DOCK9: variants seen among roughly 807,000 people sequenced by gnomAD.
DOCK9 encodes dedicator of cytokinesis 9, also known as dedicator of cytokinesis protein 9.
In DOCK9, 89 loss-of-function variants were observed where a neutral mutation model predicts 263.3. The observed-to-expected ratio is 0.34, with a 90% confidence interval of 0.28 to 0.40. The LOEUF (loss-of-function observed/expected upper bound fraction) is 0.40, where lower values mean the gene tolerates loss of function less well. Among genes scored for constraint, DOCK9 ranks in the 10% least tolerant of loss-of-function variants. The probability of loss-of-function intolerance (pLI) is 1.00; values close to 1 mark genes in which losing one functional copy is unlikely to be tolerated. For missense variants in DOCK9, 2,140 were observed against 2,603.4 expected (o/e 0.82, Z 3.87); for synonymous variants, 976 against 973.1 (o/e 1.00, Z -0.06).
intron 35 of DOCK9, among the ~76,000 whole-genome samples, chr13:98,851,432 C>G (rs1456868005): frequency 2.0e-5 from 3 of 152,104 alleles, no homozygotes; most frequent in Non-Finnish European, 4.4e-5. Flanking sequence ...GAGCTCAGTG[C>G]ATGCTGGAGA....
At chr13:98,911,998 T>C (rs2050129876) in intron 9 of DOCK9, among the ~76,000 whole-genome samples, 1 of 151,104 alleles carries the variant, frequency 6.6e-6, no homozygotes, top group Non-Finnish European at 1.5e-5. Flanking sequence ...GCCTCCCAAG[T>C]AGCTGGGATT....
intron 5 of DOCK9, among the ~76,000 whole-genome samples, chr13:98,922,692 C>G (rs1208012221): frequency 6.6e-6 from 1 of 152,176 alleles, no homozygotes; most frequent in Admixed American, 6.5e-5. Context: ...AATGTTATAG[C>G]TCAGCTGACA....
intron 1 of DOCK9, among the ~76,000 whole-genome samples, chr13:99,012,224 T>C (rs559832117): frequency 1.3e-5 from 2 of 152,216 alleles, no homozygotes; most frequent in African/African-American, 4.8e-5. Context: ...TTCTTAAGTA[T>C]GTTTCTTATG....
intron 43 of DOCK9, among the ~76,000 whole-genome samples, chr13:98,828,838 C>A (rs1327186958): frequency 6.6e-6 from 1 of 152,216 alleles, no homozygotes; most frequent in Non-Finnish European, 1.5e-5. Context: ...ACACACCCAA[C>A]TCCCAGCCAT....
chr13:98,998,534 C>T (rs968497320), intron 1 of DOCK9, among the ~76,000 whole-genome samples: 13 of 152,124 alleles, frequency 8.5e-5, no homozygotes, highest in African/African-American at 2.7e-4. Flanking sequence ...TAAGAATTTC[C>T]GAACCAAGAG....
chr13:98,918,231 A>C (rs2051229057), intron 7 of DOCK9, among the ~76,000 whole-genome samples: 1 of 152,212 alleles, frequency 6.6e-6, no homozygotes, highest in Admixed American at 6.5e-5. Context: ...ATTGCAGCAC[A>C]GGAAGGGGAA....
chr13:99,003,182 G>A lies in DOCK9; in HGVS notation c.130-47631C>T, dbSNP rs895213766. ...AACATATTTTGTTAAATGTTCCTGCGGACAGTAAAGATGATGGTGTTGGTG... is the reference window on the plus strand; with the variant it reads ...AACATATTTTGTTAAATGTTCCTGCAGACAGTAAAGATGATGGTGTTGGTG... On this transcript the variant is annotated intron_variant, in intron 1 of 32. Coordinates refer to the DOCK9 transcript ENST00000427887. Among the ~76,000 whole-genome samples, 4 of 152,144 alleles carry A rather than the reference G, an allele frequency of 2.6e-5. No homozygotes were observed. The South Asian group carries it at 8.3e-4, about 32-fold the overall frequency.
intron 36 of DOCK9, among the ~76,000 whole-genome samples, chr13:98,848,954 G>A (rs1206002957): frequency 4.6e-5 from 7 of 152,100 alleles, no homozygotes; most frequent in African/African-American, 1.4e-4. Flanking sequence ...TTCACTCCAC[G>A]GCAGTGTGCC....
chr13:98,837,596 C>G lies in DOCK9; in HGVS notation c.4212G>C (p.Ser1404=), dbSNP rs201530896. Residue 1404 remains serine (S), a synonymous_variant, in exon 39 of 53, where the codon TCG becomes TCC. Coordinates refer to ENST00000682017, the MANE Select transcript of DOCK9 (RefSeq NM_001366683.2). ...ATGACTGGTGCAGAACATCTGCGTC[C>G]GAGTGGCCATAGCCTGCATGAATTA... ...SLTFNHSYGH[S]DADVLHQSLL... 17 of 1,612,864 alleles carry G rather than the reference C, an allele frequency of 1.1e-5. No homozygotes were observed. Among genetic ancestry groups the G allele is most frequent in the Non-Finnish European group, 1.4e-5 (17 of 1,179,214 alleles).
chr13:98,798,476 T>C (rs2089712153), intron 50 of DOCK9, among the ~76,000 whole-genome samples: 1 of 151,904 alleles, frequency 6.6e-6, no homozygotes, highest in African/African-American at 2.4e-5. Context: ...GCGTTGAGGG[T>C]GGAACTCAGC....
intron 10 of DOCK9, among the ~76,000 whole-genome samples, chr13:98,903,495 G>A (rs1318573566): frequency 6.6e-6 from 1 of 151,596 alleles, no homozygotes; most frequent in Non-Finnish European, 1.5e-5. Context: ...TCGGGAGGCT[G>A]AGGCTGAGGC....
At chr13:98,971,390 T>G (rs2059710707) in intron 1 of DOCK9, among the ~76,000 whole-genome samples, 1 of 152,182 alleles carries the variant, frequency 6.6e-6, no homozygotes, top group Non-Finnish European at 1.5e-5. Context: ...AGGATTAACC[T>G]GGATCATCTA....
chr13:98,850,125 A>ACATTTAC lies in DOCK9; in HGVS notation c.3947-19_3947-13dup. ...TGTAAACAAAGCATCTAGAAAATAA[A>ACATTTAC]CATTTACTTAGAATCACAATACATA... On this transcript the variant is annotated splice_polypyrimidine_tract_variant and intron_variant, in intron 35 of 52. Coordinates refer to ENST00000682017, the MANE Select transcript of DOCK9 (RefSeq NM_001366683.2). 6.8e-7 allele frequency: 1 copy of ACATTTAC among 1,463,252 alleles called. No individual in the cohort carries two copies. The highest frequency in any genetic ancestry group is 1.4e-5 in the South Asian group (1 of 72,070). 90.6% of individuals were successfully genotyped at this position (1,463,252 alleles called of 1,614,324 possible). A position where few individuals can be genotyped will look rare whatever the true frequency, so the allele number is the denominator to read the frequency against.
chr13:98,817,708 G>A (rs1198466200), intron 45 of DOCK9, among the ~76,000 whole-genome samples: 1 of 144,324 alleles, frequency 6.9e-6, no homozygotes, highest in Non-Finnish European at 1.5e-5. Flanking sequence ...ATTGATATAT[G>A]ATATAATGTA....
chr13:98,867,045 C>T (rs1456398519), intron 30 of DOCK9: 5 of 425,164 alleles, frequency 1.2e-5, no homozygotes, highest in East Asian at 7.5e-5. Flanking sequence ...AGAAAGCAAG[C>T]GTCATACCCC....
intron 1 of DOCK9, among the ~76,000 whole-genome samples, chr13:98,967,648 C>T (rs1310700252): frequency 2.0e-5 from 3 of 152,208 alleles, no homozygotes; most frequent in Non-Finnish European, 4.4e-5. Context: ...CACGAGGATG[C>T]TTCAGGCTCC....
chr13:99,049,355 G>A (rs1394596516), intron 1 of DOCK9, among the ~76,000 whole-genome samples: 2 of 152,188 alleles, frequency 1.3e-5, no homozygotes, highest in East Asian at 3.9e-4. Context: ...CTTGTCATCG[G>A]GAGGCATGGT....
chr13:98,952,795 T>G (rs1259975567), intron 2 of DOCK9, among the ~76,000 whole-genome samples: 1 of 152,232 alleles, frequency 6.6e-6, no homozygotes, highest in Non-Finnish European at 1.5e-5. Context: ...TCATTTCAAA[T>G]ATATTTGGCA....
chr13:98,968,646 G>A (rs2059429548), intron 1 of DOCK9, among the ~76,000 whole-genome samples: 1 of 152,150 alleles, frequency 6.6e-6, no homozygotes, highest in Non-Finnish European at 1.5e-5. Context: ...GAAATTATAT[G>A]TATGGCTCAT....
Sources: allele counts gnomAD v4.1 joint callset (sites outside exome capture counted in the v4.1 genomes callset), GRCh38; gene constraint gnomAD v4.1.1; transcripts MANE v1.5; gene names NCBI Gene and HGNC (gene_info 2026-07-23, HGNC 2026-07-21).